HMG20A: variants seen among roughly 807,000 people sequenced by gnomAD.
The protein encoded by HMG20A is high mobility group protein 20A.
A neutral mutation model predicts 43.9 loss-of-function variants in HMG20A; 17 were observed. The ratio of observed to expected loss-of-function variants is 0.39; its 90% confidence interval spans 0.27 to 0.58. The LOEUF (loss-of-function observed/expected upper bound fraction) is 0.58, where lower values mean the gene tolerates loss of function less well. Among genes scored for constraint, HMG20A ranks in the 20% least tolerant of loss-of-function variants. The pLI, the probability that HMG20A is intolerant of heterozygous loss-of-function variation, is 0.59. For missense variants in HMG20A, 341 were observed against 438.2 expected (o/e 0.78, Z 1.98); for synonymous variants, 132 against 147.5 (o/e 0.89, Z 0.76).
At chr15:77,457,540 G>A (rs1289265436) in intron 1 of HMG20A, among the ~76,000 whole-genome samples, 4 of 152,232 alleles carry the variant, frequency 2.6e-5, no homozygotes, top group Non-Finnish European at 2.9e-5. Flanking sequence ...TTTGTGGTAA[G>A]CCTTGAAAGG....
downstream of HMG20A, among the ~76,000 whole-genome samples, chr15:77,489,898 C>T (rs989626225): frequency 1.3e-5 from 2 of 152,154 alleles, no homozygotes; most frequent in African/African-American, 2.4e-5. Flanking sequence ...TCAGAAGTGT[C>T]GTAAAGAGTT....
At chr15:77,471,398 G>A (rs913312722) in intron 5 of HMG20A, among the ~76,000 whole-genome samples, 24 of 152,084 alleles carry the variant, frequency 1.6e-4, no homozygotes, top group Non-Finnish European at 2.9e-4. Flanking sequence ...CCTTTCATGT[G>A]TCATTTTTGA....
chr15:77,457,880 G>C (rs1398693360), intron 1 of HMG20A, among the ~76,000 whole-genome samples: 1 of 152,154 alleles, frequency 6.6e-6, no homozygotes, highest in Non-Finnish European at 1.5e-5. Context: ...ACTGAGAACT[G>C]GTAATGCTGT....
At chr15:77,427,695 T>C (rs1340723276) in intron 1 of HMG20A, among the ~76,000 whole-genome samples, 1 of 152,204 alleles carries the variant, frequency 6.6e-6, no homozygotes, top group African/African-American at 2.4e-5. Context: ...ATCAAAATTC[T>C]CTAATTTTAT....
intron 1 of HMG20A, among the ~76,000 whole-genome samples, chr15:77,433,342 A>AC (rs2073509544): frequency 6.6e-6 from 1 of 150,866 alleles, no homozygotes; most frequent in East Asian, 1.9e-4. Context: ...TGTCTCTAAA[A>AC]AAAAAAAAAA....
At chr15:77,442,597 G>C (rs548745749) in intron 1 of HMG20A, among the ~76,000 whole-genome samples, 1 of 152,142 alleles carries the variant, frequency 6.6e-6, no homozygotes, top group African/African-American at 2.4e-5. Flanking sequence ...CTAGACATGC[G>C]TACTCTTCTC....
At chr15:77,431,799 C>G (rs2142276170) in intron 1 of HMG20A, among the ~76,000 whole-genome samples, 1 of 152,214 alleles carries the variant, frequency 6.6e-6, no homozygotes, top group East Asian at 1.9e-4. Context: ...TCTTCCCAGC[C>G]CCACCCCACC....
chr15:77,473,948 T>G (rs2072832499), intron 6 of HMG20A, among the ~76,000 whole-genome samples: 1 of 152,246 alleles, frequency 6.6e-6, no homozygotes. Context: ...TCCATTTTTA[T>G]TTTTCACTGA....
In HMG20A at chr15:77,483,868, A is replaced by G. The variant is rs1211210280; in HGVS notation, c.*905A>G. ...CAAAGCCCTAAGTTTATTGTAAGTG[A>G]AAACTGAGGGAATTCCTGTCTTCTT... is the stretch of plus-strand genomic sequence containing the variant. On this transcript the variant is annotated 3_prime_UTR_variant, in exon 10 of 10. Transcript: ENST00000336216. 1 of 152,318 alleles carries G rather than the reference A, an allele frequency of 6.6e-6. No homozygotes were observed. The highest frequency in any genetic ancestry group is 1.5e-5 in the Non-Finnish European group (1 of 68,036). 9.4% of individuals were successfully genotyped at this position (152,318 alleles called of 1,614,324 possible).
intron 2 of HMG20A, among the ~76,000 whole-genome samples, chr15:77,463,271 A>C (rs1157127754): frequency 1.3e-5 from 2 of 152,080 alleles, no homozygotes; most frequent in Admixed American, 6.6e-5. Flanking sequence ...ATTCTTTCTT[A>C]ACATCCCTCC....
chr15:77,472,818 T>A (rs2072822335), intron 6 of HMG20A, among the ~76,000 whole-genome samples: 2 of 152,256 alleles, frequency 1.3e-5, no homozygotes, highest in Non-Finnish European at 2.9e-5. Context: ...TGTGCTTAGC[T>A]GATCTGACCT....
intron 4 of HMG20A, among the ~76,000 whole-genome samples, chr15:77,468,335 A>G (rs1322438329): frequency 6.6e-6 from 1 of 152,142 alleles, no homozygotes; most frequent in Non-Finnish European, 1.5e-5. Context: ...AACAGTGCTT[A>G]TTTCTTGGGA....
intron 1 of HMG20A, among the ~76,000 whole-genome samples, chr15:77,438,717 C>T (rs1019165512): frequency 2.2e-4 from 34 of 152,234 alleles, no homozygotes; most frequent in African/African-American, 7.9e-4. Flanking sequence ...CTAGCATTTC[C>T]CAAAACCCTT....
At chr15:77,477,282 A>C (rs1201946763) in intron 6 of HMG20A, among the ~76,000 whole-genome samples, 1 of 152,234 alleles carries the variant, frequency 6.6e-6, no homozygotes, top group African/African-American at 2.4e-5. Context: ...ATGGCTTCAA[A>C]TTCTCCATTA....
intron 2 of HMG20A, among the ~76,000 whole-genome samples, chr15:77,460,964 T>G (rs949758853): frequency 6.6e-6 from 1 of 151,952 alleles, no homozygotes; most frequent in African/African-American, 2.4e-5. Flanking sequence ...CCAGCCTGGG[T>G]GACAGAGCAA....
chr15:77,464,566 TAGAC>T (rs1357441035), intron 3 of HMG20A, 179 bp downstream of exon 3: 2 of 492,962 alleles, frequency 4.1e-6, no homozygotes, highest in South Asian at 2.5e-5. Flanking sequence ...TTTAATGACA[TAGAC>T]AGGTAGACTC....
the HMG20A span, among the ~76,000 whole-genome samples, chr15:77,502,984 G>A: frequency 1.6e-4 from 24 of 151,922 alleles, no homozygotes; most frequent in African/African-American, 4.4e-4. Context: ...AAAGCAAAAC[G>A]AACAACAAAA....
intron 2 of HMG20A, among the ~76,000 whole-genome samples, chr15:77,460,397 A>G (rs1168139295): frequency 6.6e-6 from 1 of 152,316 alleles, no homozygotes; most frequent in African/African-American, 2.4e-5. Flanking sequence ...TGGAGTTGCC[A>G]TTAGCTTAGA....
intron 1 of HMG20A, among the ~76,000 whole-genome samples, chr15:77,429,396 A>C (rs1318063811): frequency 6.6e-6 from 1 of 150,822 alleles, no homozygotes; most frequent in Non-Finnish European, 1.5e-5. Context: ...CCAGCCTCAA[A>C]ATTCATATCT....
Sources: allele counts gnomAD v4.1 joint callset (sites outside exome capture counted in the v4.1 genomes callset), GRCh38; gene constraint gnomAD v4.1.1; transcripts MANE v1.5; gene names NCBI Gene and HGNC (gene_info 2026-07-23, HGNC 2026-07-21).